Variants in CCDC17 observed in about 807,000 individuals in gnomAD.
CCDC17 encodes coiled-coil domain containing 17, also known as coiled-coil domain-containing protein 17.
A neutral mutation model predicts 68.0 loss-of-function variants in CCDC17; 79 were observed. The ratio of observed to expected loss-of-function variants is 1.16; its 90% CI spans 0.97 to 1.40. The LOEUF (loss-of-function observed/expected upper bound fraction) is 1.40. CCDC17 is among the 40% of genes most tolerant of loss of function. The probability of loss-of-function intolerance (pLI) is 0.00; values close to 1 mark genes in which losing one functional copy is unlikely to be tolerated. For missense variants in CCDC17, 846 were observed against 811.5 expected, an observed-to-expected ratio of 1.04 and a Z score of -0.52; for synonymous variants, 376 against 337.5, an observed-to-expected ratio of 1.11 and a Z score of -1.25.
Position 45,620,228 on chromosome 1 carries a change from C to T in CCDC17, c.*47G>A, listed in dbSNP as rs1557672546. 2 of 1,571,452 alleles carry T rather than the reference C, an allele frequency of 1.3e-6. No homozygotes were observed. The highest frequency in any genetic ancestry group is 1.2e-5 in the South Asian group (1 of 83,878). ...TAAACCTGTAGGTCTGGAAATAGGC[C>T]CCAGTCCTGTGCATGTTCAGATGCT... On this transcript the variant is annotated 3_prime_UTR_variant, in exon 13 of 13. Transcript: ENST00000528266.
chr1:45,621,343 T>C lies in CCDC17; in HGVS notation c.1326A>G (p.Pro442=), dbSNP rs1029970785. ...TGCCCATGGGCCCGGGAGCAGGAGG[T>C]GGGGGCAGGCAAAGGGCTGGGGGCA... The part of the protein sequence containing the change: ...TALPPALCLP[P]PPAPGPMGNC... The change falls in exon 10 of 13, where the codon CCA becomes CCG. Residue 442 remains proline (P), a synonymous_variant. Transcript: ENST00000528266. The C allele has an allele frequency of 5.0e-6, 8 of 1,588,848 alleles. No homozygotes were observed. In the African/African-American group the frequency reaches 8.1e-5, roughly 16 times the overall value.
rs1644367213 is a variant in CCDC17 at position 45,623,790 on chromosome 1, T to C, written c.120A>G (p.Gln40=). 7 of 1,551,566 alleles carry C rather than the reference T, an allele frequency of 4.5e-6. No homozygotes were observed. The highest frequency in any genetic ancestry group is 5.2e-6 in the Non-Finnish European group (6 of 1,146,890). Residue 40 remains glutamine (Q), a synonymous_variant, in exon 1 of 13, where the codon CAA becomes CAG. Transcript: ENST00000528266. ...ATGCCTGTGCTCCAAATGTCATCTC[T>C]TGGGTCGGGTGGCCAATGCAGAAGC... is the stretch of plus-strand genomic sequence containing the variant. ...TQRFCIGHPT[Q]EMTFGAQASV...
chr1:45,622,810 C>T lies in CCDC17; in HGVS notation c.681G>A (p.Glu227=), dbSNP rs767557961. 17 of 1,600,810 alleles carry T rather than the reference C, an allele frequency of 1.1e-5. No individual in the cohort carries two copies. The South Asian group carries it at 1.8e-4, about 17-fold the overall frequency. ...EPGNPLSSRR[E]AELYSPVQKA... is the part of the protein sequence containing the mutation. ...TTTGCACTGGAGAATAAAGTTCTGC[C>T]TCTCGCCGGGAGCTCAGCGGGTTCC... The change falls in exon 5 of 13, where the codon GAG becomes GAA. Residue 227 remains glutamate, a synonymous_variant. Coordinates refer to ENST00000528266, the MANE Select transcript of CCDC17 (RefSeq NM_001114938.3).
In CCDC17 at chr1:45,621,492, A is replaced by G; in HGVS notation, c.1185-8T>C. On this transcript the variant is annotated splice_polypyrimidine_tract_variant and splice_region_variant and intron_variant, in intron 9 of 12. Coordinates refer to ENST00000528266, the MANE Select transcript of CCDC17 (RefSeq NM_001114938.3). Reference sequence around the variant, plus strand: ...AAAATGACCAGGCCAGCCCTGGGGAACACAAGTCTTAGCACAGAAATACCC... The same window carrying G: ...AAAATGACCAGGCCAGCCCTGGGGAGCACAAGTCTTAGCACAGAAATACCC... The G allele has an allele frequency of 1.9e-6, 3 of 1,580,326 alleles. No individual in the cohort carries two copies. The South Asian group carries it at 3.5e-5, about 18-fold the overall frequency.
In CCDC17 at chr1:45,623,995, T is replaced by TA; in HGVS notation, c.-87dup. The TA allele has an allele frequency of 1.0e-6, 1 of 968,152 alleles. No individual in the cohort carries two copies. The highest frequency in any genetic ancestry group is 1.5e-6 in the Non-Finnish European group (1 of 660,828). The allele number at this position is 968,152 out of a possible 1,614,324, so 60.0% of individuals were successfully genotyped here. ...AAGGCAGAGGAGGATGAAAGAGACA[T>TA]AAAGCCAGAGGCAGAGAGGAAAGGC... On this transcript the variant is annotated 5_prime_UTR_variant, in exon 1 of 13. Coordinates refer to ENST00000528266, the MANE Select transcript of CCDC17 (RefSeq NM_001114938.3).
chr1:45,622,866 TA>T (rs1215190702), intron 4 of CCDC17, 32 bp from the exon 5 acceptor site: 1 of 1,579,146 alleles, frequency 6.3e-7, no homozygotes, highest in Non-Finnish European at 8.6e-7. Context: ...AGGGAGACGG[TA>T]ACGCATCAGA....
At position 45,622,736 on chromosome 1, in the gene CCDC17, G is replaced by A. The variant is rs1644313343; in HGVS notation, c.740+15C>T. 2 of 1,576,664 alleles carry A rather than the reference G, an allele frequency of 1.3e-6. No individual in the cohort carries two copies. The highest frequency in any genetic ancestry group is 1.3e-5 in the African/African-American group (1 of 74,156). On this transcript the variant is annotated intron_variant, in intron 5 of 12. Transcript: ENST00000528266. Reference sequence around the variant, plus strand: ...AGCGCTTCGCCCTATGCCCATCTCCGGCCCCGGCTCTCACCGGATTTCGGC... The same window carrying A: ...AGCGCTTCGCCCTATGCCCATCTCCAGCCCCGGCTCTCACCGGATTTCGGC...
rs1232756356 is a variant in CCDC17 at position 45,623,012 on chromosome 1, G to A, written c.599C>T (p.Thr200Met). 15 of 1,612,506 alleles carry A rather than the reference G, an allele frequency of 9.3e-6. No homozygotes were observed. The highest frequency in any genetic ancestry group is 1.7e-5 in the Admixed American group (1 of 59,886). Residue 200 changes from threonine to methionine, a missense_variant, in exon 4 of 13, where the codon ACG becomes ATG. Physicochemically the swap from Thr to Met is moderately conservative, Grantham distance 81. Transcript: ENST00000528266. The stretch of plus-strand genomic sequence containing the variant: ...CCCCAACACCTCTAGAGCTCCCCGC[G>A]TCCTCCCGGCCTCAGCTTGTAGTTC... ...IRELQAEAGR[T>M]RGALEVLGAR...
intron 9 of CCDC17, 51 bp from the exon 10 acceptor site, chr1:45,621,535 C>A: frequency 6.4e-7 from 1 of 1,573,742 alleles, no homozygotes; most frequent in South Asian, 1.2e-5. Context: ...TTCAACCTCC[C>A]TCCTCTCAGG....
chr1:45,622,993 C>CACCT lies in CCDC17; in HGVS notation c.614_617dup (p.Leu207GlyfsTer97), dbSNP rs1557680433. On this transcript the variant is annotated frameshift_variant, in exon 4 of 13. Transcript: ENST00000528266. LOFTEE classifies it high-confidence loss of function. Reference sequence around the variant, plus strand: ...GCAGCTCCTGAATGCGGGCCCCCAACACCTCTAGAGCTCCCCGCGTCCTCC... The same window carrying CACCT: ...GCAGCTCCTGAATGCGGGCCCCCAACACCTACCTCTAGAGCTCCCCGCGTCCTCC... The CACCT allele has an allele frequency of 6.2e-7, 1 of 1,609,200 alleles. No homozygotes were observed. The highest frequency in any genetic ancestry group is 8.5e-7 in the Non-Finnish European group (1 of 1,177,402).
At position 45,621,010 on chromosome 1, in the gene CCDC17, G is replaced by T. The variant is rs765841609; in HGVS notation, c.1492C>A (p.Leu498Ile). The T allele has an allele frequency of 6.2e-7, 1 of 1,613,926 alleles. No individual in the cohort carries two copies. The highest frequency in any genetic ancestry group is 8.5e-7 in the Non-Finnish European group (1 of 1,179,870). ...PQPKAWVSLG[L>I]FDQDQRVLSG... ...AGCACCCGCTGATCTTGGTCAAATA[G>T]TCCAAGTGAGACCCAAGCCTTTGGC... Residue 498 changes from leucine (L) to isoleucine (I), a missense_variant, in exon 11 of 13, where the codon CTA (leucine) becomes ATA (isoleucine). Leu to Ile is a conservative substitution (Grantham distance 5). Coordinates refer to ENST00000528266, the MANE Select transcript of CCDC17 (RefSeq NM_001114938.3).
In CCDC17 at chr1:45,621,958, T is replaced by C; in HGVS notation, c.1005A>G (p.Leu335=). ...GGGGATCTCTCCTCCCCTTCGGTTG[T>C]AGGCTGGCATCCCCCAGGAGTCGCA... is the stretch of plus-strand genomic sequence containing the variant. ...QDLRLLGDAS[L]QPKGRRDPPL... The change falls in exon 8 of 13, where the codon CTA becomes CTG. Residue 335 remains leucine, a synonymous_variant. Transcript: ENST00000528266. 2 of 1,610,490 alleles carry C rather than the reference T, an allele frequency of 1.2e-6. No homozygotes were observed. Among genetic ancestry groups the C allele is most frequent in the African/African-American group, 2.7e-5 (2 of 74,772 alleles).
chr1:45,623,288 A>G lies in CCDC17; in HGVS notation c.422T>C (p.Leu141Pro), dbSNP rs781420047. The G allele has an allele frequency of 1.8e-5, 28 of 1,548,542 alleles. No homozygotes were observed. Among genetic ancestry groups the G allele is most frequent in the Non-Finnish European group, 2.4e-5 (27 of 1,146,766 alleles). ...VGSPSERLRA[L>P]FRTRARRVAE... ...CACGCGCCTCGCGCGAGTCCTGAACAGCGCCCGCAGCCGCTCGCTGGGGCT... is the reference window on the plus strand; with the variant it reads ...CACGCGCCTCGCGCGAGTCCTGAACGGCGCCCGCAGCCGCTCGCTGGGGCT... Residue 141 changes from leucine (L) to proline (P), a missense_variant, in exon 3 of 13, where the codon CTG (leucine) becomes CCG (proline). Transcript: ENST00000528266.
rs1395154872 is a variant in CCDC17 at position 45,620,195 on chromosome 1, T to C, written c.*80A>G. 2 of 1,455,338 alleles carry C rather than the reference T, an allele frequency of 1.4e-6. No homozygotes were observed. Among genetic ancestry groups the C allele is most frequent in the Non-Finnish European group, 1.8e-6 (2 of 1,088,654 alleles). The allele number at this position is 1,455,338 out of a possible 1,614,324, so 90.2% of individuals were successfully genotyped here. On this transcript the variant is annotated 3_prime_UTR_variant, in exon 13 of 13. Coordinates refer to ENST00000528266, the MANE Select transcript of CCDC17 (RefSeq NM_001114938.3). The stretch of plus-strand genomic sequence containing the variant: ...TGCTTCTAGACCCAATGTCAGAACA[T>C]GGAGTAGTAAACCTGTAGGTCTGGA...
Position 45,620,495 on chromosome 1 carries a change from GAGTT to G in CCDC17, c.1711-66_1711-63del, listed in dbSNP as rs761174547. The G allele has an allele frequency of 3.4e-4, 508 of 1,476,340 alleles. 1 individual carries two copies. Among genetic ancestry groups the G allele is most frequent in the Admixed American group, 8.7e-4 (33 of 37,878 alleles). 91.5% of individuals were successfully genotyped at this position (1,476,340 alleles called of 1,614,324 possible). On this transcript the variant is annotated intron_variant, in intron 12 of 12. Coordinates refer to ENST00000528266, the MANE Select transcript of CCDC17 (RefSeq NM_001114938.3). The stretch of plus-strand genomic sequence containing the variant: ...GTAAAGGTTAAGCACACAGGTTTTG[GAGTT>G]AGTTAGGCTTCCTTAGAGTCTCACT...
At chr1:45,622,148 A>C in intron 7 of CCDC17, 93 bp downstream of exon 7, 2 of 1,340,868 alleles carry the variant, frequency 1.5e-6, no homozygotes, top group South Asian at 2.5e-5. Flanking sequence ...GGGAGTCACA[A>C]ACACGGGTCT....
chr1:45,620,452 C>T lies in CCDC17; in HGVS notation c.1711-19G>A. 6.5e-7 allele frequency: 1 copy of T among 1,535,608 alleles called. No individual in the cohort carries two copies. Among genetic ancestry groups the T allele is most frequent in the Non-Finnish European group, 8.7e-7 (1 of 1,143,232 alleles). On this transcript the variant is annotated intron_variant, in intron 12 of 12. Transcript: ENST00000528266. ...TGGACACCTGTGGAACAGGAGAAGGCAGGTTTTGAGCAAAAATGTAAAGGT... is the reference window on the plus strand; with the variant it reads ...TGGACACCTGTGGAACAGGAGAAGGTAGGTTTTGAGCAAAAATGTAAAGGT...
chr1:45,623,193 G>T, intron 3 of CCDC17, 24 bp downstream of exon 3: 1 of 1,541,494 alleles, frequency 6.5e-7, no homozygotes. Context: ...GAGGTCCTTG[G>T]TCCCCGTCCC....
intron 7 of CCDC17, 67 bp downstream of exon 7, chr1:45,622,174 G>T: frequency 6.9e-7 from 1 of 1,454,776 alleles, no homozygotes; most frequent in Non-Finnish European, 9.5e-7. Flanking sequence ...CCCATGCACT[G>T]TCTGCCTGAG....
Sources: gnomAD v4.1 joint callset for allele counts on GRCh38, gnomAD v4.1.1 for gene constraint, MANE v1.5 for transcripts, NCBI Gene and HGNC (gene_info 2026-07-23, HGNC 2026-07-21) for gene names.